The following PRKCE variants were observed in gnomAD, a reference collection of about 807,000 sequenced individuals.
The protein encoded by PRKCE is protein kinase C epsilon, also known as protein kinase C epsilon type.
PRKCE carries 16 observed loss-of-function variants against 85.4 expected under a neutral mutation model. The ratio of observed to expected loss-of-function variants is 0.19; its 90% CI spans 0.13 to 0.28. The LOEUF is 0.28. Ranked by LOEUF, PRKCE falls within the 10% of genes least tolerant of loss-of-function variation. The pLI is 1.00. For missense variants in PRKCE, 573 were observed against 975.2 expected, an observed-to-expected ratio of 0.59 and a Z score of 5.49; for synonymous variants, 388 against 371.5, an observed-to-expected ratio of 1.04 and a Z score of -0.51.
intron 1 of PRKCE, among the ~76,000 whole-genome samples, chr2:45,817,758 G>A (rs1246207379): frequency 6.6e-6 from 1 of 152,316 alleles, no homozygotes; most frequent in East Asian, 1.9e-4. Context: ...GCTAGGTTCA[G>A]TGGCCTGTCT....
chr2:46,093,843 A>G (rs1377259922), intron 11 of PRKCE, among the ~76,000 whole-genome samples: 1 of 152,030 alleles, frequency 6.6e-6, no homozygotes, highest in Non-Finnish European at 1.5e-5. Flanking sequence ...CATCCTCTCA[A>G]TATGGTTTAC....
In PRKCE at chr2:45,739,223, C is replaced by T. The variant is rs577835815; in HGVS notation, c.348+86775C>T. Among the ~76,000 whole-genome samples, 24 of 152,302 alleles carry T rather than the reference C, an allele frequency of 1.6e-4. No individual in the cohort carries two copies. In the South Asian group the frequency reaches 4.8e-3, roughly 30 times the overall value. On this transcript the variant is annotated intron_variant, in intron 1 of 14. Coordinates refer to ENST00000306156, the MANE Select transcript of PRKCE (RefSeq NM_005400.3). The stretch of plus-strand genomic sequence containing the variant: ...TTTAGCAGAAGTCACTGGGAAGGCC[C>T]GTCTTTGGTCCACTGCTGTGGCTGG...
chr2:46,086,099 C>A, intron 10 of PRKCE, 109 bp from the exon 11 acceptor site: 1 of 1,179,808 alleles, frequency 8.5e-7, no homozygotes, highest in Non-Finnish European at 1.2e-6. Context: ...ACCTTTGAGG[C>A]TTCTTCCCCC....
intron 11 of PRKCE, among the ~76,000 whole-genome samples, chr2:46,087,943 C>T (rs1209914710): frequency 2.0e-5 from 3 of 152,174 alleles, no homozygotes; most frequent in Non-Finnish European, 1.5e-5. Context: ...AAGGTCTGGG[C>T]CTTCTTTTCA....
chr2:45,867,521 G>A (rs1171733173), intron 2 of PRKCE, among the ~76,000 whole-genome samples: 3 of 152,108 alleles, frequency 2.0e-5, no homozygotes, highest in African/African-American at 7.2e-5. Context: ...AAAGTCCATG[G>A]GACTGCTTTT....
chr2:46,098,204 A>G (rs1670887735), intron 11 of PRKCE, among the ~76,000 whole-genome samples: 1 of 152,018 alleles, frequency 6.6e-6, no homozygotes, highest in South Asian at 2.1e-4. Context: ...TAAGGGCACA[A>G]CTCTGGAACC....
chr2:45,836,628 G>T (rs373047628), intron 1 of PRKCE, among the ~76,000 whole-genome samples: 2 of 152,186 alleles, frequency 1.3e-5, no homozygotes, highest in African/African-American at 4.8e-5. Flanking sequence ...GGGAGAGGGG[G>T]CATCAGTGAA....
chr2:46,170,437 C>T (rs1678780082), intron 14 of PRKCE, among the ~76,000 whole-genome samples: 1 of 152,122 alleles, frequency 6.6e-6, no homozygotes, highest in Non-Finnish European at 1.5e-5. Context: ...TGTTCATCAC[C>T]CAGCGTCAAC....
chr2:45,977,638 T>TA (rs5830884), intron 3 of PRKCE, among the ~76,000 whole-genome samples: 9,120 of 142,440 alleles, frequency 0.064, 350 homozygotes, highest in Middle Eastern at 0.092. Context: ...GACTCTGTCT[T>TA]AAAAAAAAAA....
intron 1 of PRKCE, among the ~76,000 whole-genome samples, chr2:45,766,341 A>G (rs1250623513): frequency 1.3e-5 from 2 of 152,246 alleles, no homozygotes; most frequent in Non-Finnish European, 2.9e-5. Flanking sequence ...ACCTCTGTCA[A>G]TTCTGAAGGA....
chr2:45,997,328 T>C (rs1055376493), intron 6 of PRKCE, among the ~76,000 whole-genome samples: 1 of 152,072 alleles, frequency 6.6e-6, no homozygotes, highest in Non-Finnish European at 1.5e-5. Context: ...TTTGCTCTAA[T>C]TCTTATTATT....
At chr2:45,670,794 A>G (rs536597985) in intron 1 of PRKCE, among the ~76,000 whole-genome samples, 2 of 152,362 alleles carry the variant, frequency 1.3e-5, no homozygotes, top group African/African-American at 4.8e-5. Context: ...GCCTTGAAGG[A>G]TGGATCGGAT....
intron 2 of PRKCE, among the ~76,000 whole-genome samples, chr2:45,849,983 T>C (rs572890762): frequency 6.6e-6 from 1 of 152,326 alleles, no homozygotes; most frequent in African/African-American, 2.4e-5. Context: ...GAGTTTATAA[T>C]GTCACAAAGA....
chr2:46,181,891 G>T (rs1331782054), intron 14 of PRKCE, among the ~76,000 whole-genome samples: 2 of 152,158 alleles, frequency 1.3e-5, no homozygotes, highest in African/African-American at 4.8e-5. Context: ...AGTGTGGTGA[G>T]TGCCAAGTTA....
At chr2:45,988,520 G>C (rs1469073500) in intron 6 of PRKCE, among the ~76,000 whole-genome samples, 2 of 151,834 alleles carry the variant, frequency 1.3e-5, no homozygotes, top group East Asian at 3.9e-4. Flanking sequence ...GGGGCAACCA[G>C]CCCTTGTCCT....
intron 1 of PRKCE, among the ~76,000 whole-genome samples, chr2:45,730,051 A>C (rs899813517): frequency 6.6e-6 from 1 of 152,232 alleles, no homozygotes; most frequent in African/African-American, 2.4e-5. Flanking sequence ...GGATTTGAAA[A>C]GAGGAAGAAA....
At chr2:45,841,703 C>T (rs986871834) in intron 1 of PRKCE, among the ~76,000 whole-genome samples, 1 of 152,180 alleles carries the variant, frequency 6.6e-6, no homozygotes, top group African/African-American at 2.4e-5. Flanking sequence ...ATCGCAGGAG[C>T]CATGAGTAAG....
At chr2:45,935,496 G>T (rs1302484841) in intron 2 of PRKCE, among the ~76,000 whole-genome samples, 1 of 152,106 alleles carries the variant, frequency 6.6e-6, no homozygotes, top group East Asian at 1.9e-4. Flanking sequence ...ATATAAAATT[G>T]CAGCTTAGGG....
chr2:45,700,868 G>A (rs1301391059), intron 1 of PRKCE, among the ~76,000 whole-genome samples: 1 of 152,194 alleles, frequency 6.6e-6, no homozygotes, highest in African/African-American at 2.4e-5. Context: ...GGCCCCGTGA[G>A]GACAGACACA....
Sources: allele counts gnomAD v4.1 joint callset (sites outside exome capture counted in the v4.1 genomes callset), GRCh38; gene constraint gnomAD v4.1.1; transcripts MANE v1.5; gene names NCBI Gene and HGNC (gene_info 2026-07-23, HGNC 2026-07-21).